Variants in KCNN2 observed in about 807,000 individuals in gnomAD.
The protein encoded by KCNN2 is potassium calcium-activated channel subfamily N member 2, also known as small conductance calcium-activated potassium channel protein 2.
In KCNN2, 24 loss-of-function variants were observed where a neutral mutation model predicts 55.5. The ratio of observed to expected loss-of-function variants is 0.43; its 90% CI spans 0.31 to 0.61. KCNN2 has a LOEUF of 0.61. Among genes scored for constraint, KCNN2 ranks in the 20% least tolerant of loss-of-function variants. The pLI is 0.08. For synonymous variants in KCNN2, 431 were observed against 336.1 expected (o/e 1.28, Z -3.09); for missense variants, 754 against 853.6 (o/e 0.88, Z 1.45).
chr5:114,300,188 A>G (rs1352663293), intron 2 of KCNN2, among the ~76,000 whole-genome samples: 1 of 152,148 alleles, frequency 6.6e-6, no homozygotes, highest in African/African-American at 2.4e-5. Flanking sequence ...TTCCAAGCCA[A>G]GTTTTGAAAA....
At chr5:114,274,854 C>T (rs1313778896) in intron 2 of KCNN2, among the ~76,000 whole-genome samples, 1 of 152,154 alleles carries the variant, frequency 6.6e-6, no homozygotes, top group Non-Finnish European at 1.5e-5. Flanking sequence ...TTGCCCTGGC[C>T]AGAACTTCCA....
chr5:114,196,077 C>A (rs1296583229), intron 1 of KCNN2, among the ~76,000 whole-genome samples: 1 of 151,920 alleles, frequency 6.6e-6, no homozygotes, highest in African/African-American at 2.4e-5. Flanking sequence ...TGTCTTGGCA[C>A]CCTTGTGAAA....
intron 2 of KCNN2, among the ~76,000 whole-genome samples, chr5:114,318,608 TATG>T (rs1176001568): frequency 6.6e-6 from 1 of 151,198 alleles, no homozygotes; most frequent in Non-Finnish European, 1.5e-5. Context: ...CATAATTGTA[TATG>T]ATAATTCATA....
At chr5:114,241,928 T>C (rs1188980238) in intron 2 of KCNN2, among the ~76,000 whole-genome samples, 1 of 149,116 alleles carries the variant, frequency 6.7e-6, no homozygotes, top group African/African-American at 2.5e-5. Flanking sequence ...TTTTAAAGCA[T>C]GTACAGCTAT....
chr5:114,324,071 C>A (rs1756669328), intron 2 of KCNN2, among the ~76,000 whole-genome samples: 1 of 150,792 alleles, frequency 6.6e-6, no homozygotes, highest in African/African-American at 2.5e-5. Flanking sequence ...CAGGTATTCA[C>A]AGAGTATGAG....
intron 2 of KCNN2, among the ~76,000 whole-genome samples, chr5:114,369,647 A>G (rs1757705875): frequency 6.6e-6 from 1 of 152,276 alleles, no homozygotes; most frequent in Non-Finnish European, 1.5e-5. Context: ...ATCAGAAGTA[A>G]TGAGATGCTC....
intron 1 of KCNN2, among the ~76,000 whole-genome samples, chr5:114,075,810 A>G (rs1432300708): frequency 1.3e-5 from 2 of 152,208 alleles, no homozygotes; most frequent in African/African-American, 2.4e-5. Flanking sequence ...CTGCAGACCC[A>G]TGCTGCTACT....
chr5:114,388,131 A>G (rs900571033), intron 2 of KCNN2, among the ~76,000 whole-genome samples: 3 of 152,114 alleles, frequency 2.0e-5, no homozygotes, highest in Non-Finnish European at 4.4e-5. Flanking sequence ...TACTCAACAT[A>G]ATGTTTTGGA....
intron 1 of KCNN2, among the ~76,000 whole-genome samples, chr5:114,083,935 G>A (rs1402541886): frequency 6.6e-6 from 1 of 151,950 alleles, no homozygotes; most frequent in Non-Finnish European, 1.5e-5. Context: ...CGTAGTATGT[G>A]GCCTTTTCAG....
intron 1 of KCNN2, among the ~76,000 whole-genome samples, chr5:114,143,136 T>C (rs920353531): frequency 1.3e-5 from 2 of 152,136 alleles, no homozygotes; most frequent in Admixed American, 6.5e-5. Flanking sequence ...TTATTATTAA[T>C]TTTAGTGAGG....
chr5:114,247,687 C>T (rs1052221445), intron 2 of KCNN2, among the ~76,000 whole-genome samples: 1 of 152,154 alleles, frequency 6.6e-6, no homozygotes, highest in Non-Finnish European at 1.5e-5. Context: ...TGGGATTTGT[C>T]AGACTACCTT....
intron 2 of KCNN2, among the ~76,000 whole-genome samples, chr5:114,396,368 G>A (rs1473321895): frequency 6.6e-6 from 1 of 152,120 alleles, no homozygotes. Flanking sequence ...GTGCCATACA[G>A]CATTTTTCTT....
At position 114,161,915 on chromosome 5, in the gene KCNN2, C is replaced by G. The variant is rs577186857; in HGVS notation, c.-270-59565C>G. 8.5e-5 allele frequency among the ~76,000 whole-genome samples: 13 copies of G among 152,250 alleles called. No individual in the cohort carries two copies. The South Asian group carries it at 1.7e-3, about 19-fold the overall frequency. ...GTTAGCCATTCGTCTAGTTTTTGTT[C>G]AAGGTTTTTAACTTCGTTGCCATTG... On this transcript the variant is annotated intron_variant, in intron 1 of 10. Coordinates refer to the KCNN2 transcript ENST00000512097.
intron 5 of KCNN2, among the ~76,000 whole-genome samples, chr5:114,486,505 C>T (rs531887410): frequency 6.6e-6 from 1 of 152,150 alleles, no homozygotes. Flanking sequence ...ATAACGTAGA[C>T]TCCGTCAGTT....
chr5:114,171,940 G>C (rs188870617), intron 1 of KCNN2, among the ~76,000 whole-genome samples: 24 of 151,984 alleles, frequency 1.6e-4, no homozygotes, highest in Admixed American at 1.1e-3. Context: ...CCAGTTTTCA[G>C]GGTGTATAGT....
chr5:114,340,730 A>G (rs257467), intron 2 of KCNN2, among the ~76,000 whole-genome samples: 62,155 of 151,772 alleles, frequency 0.41, 13,546 homozygotes, highest in East Asian at 0.86. Context: ...AGCAAACTTC[A>G]AGTACACTAT....
intron 1 of KCNN2, among the ~76,000 whole-genome samples, chr5:114,163,409 A>G (rs1752837982): frequency 6.6e-6 from 1 of 152,112 alleles, no homozygotes; most frequent in Non-Finnish European, 1.5e-5. Flanking sequence ...ATTCAGTATG[A>G]TATTGGCTGT....
At chr5:114,170,077 T>G (rs528930104) in intron 1 of KCNN2, among the ~76,000 whole-genome samples, 6 of 152,224 alleles carry the variant, frequency 3.9e-5, no homozygotes, top group South Asian at 4.1e-4. Context: ...CAATAGATAA[T>G]TGATTGTCAT....
At chr5:114,259,095 C>T (rs918311529) in intron 2 of KCNN2, among the ~76,000 whole-genome samples, 3 of 152,200 alleles carry the variant, frequency 2.0e-5, no homozygotes, top group African/African-American at 4.8e-5. Flanking sequence ...TATATTCCTC[C>T]CTTGCAGAGC....
Sources: allele counts gnomAD v4.1 joint callset (sites outside exome capture counted in the v4.1 genomes callset), GRCh38; gene constraint gnomAD v4.1.1; transcripts MANE v1.5; gene names NCBI Gene and HGNC (gene_info 2026-07-23, HGNC 2026-07-21).